PTPRD: variants seen among roughly 807,000 people sequenced by gnomAD.
The protein encoded by PTPRD is protein tyrosine phosphatase receptor type D.
A neutral mutation model predicts 214.5 loss-of-function variants in PTPRD; 34 were observed. The ratio of observed to expected loss-of-function variants is 0.16; its 90% confidence interval spans 0.12 to 0.21. The LOEUF is 0.21. Among genes scored for constraint, PTPRD ranks in the 10% least tolerant of loss-of-function variants. The probability of loss-of-function intolerance (pLI) is 1.00; values close to 1 mark genes in which losing one functional copy is unlikely to be tolerated. For synonymous variants in PTPRD, 1,128 were observed against 845.7 expected, an observed-to-expected ratio of 1.33 and a Z score of -5.79; for missense variants, 2,545 against 2,398.7, an observed-to-expected ratio of 1.06 and a Z score of -1.27.
At chr9:9,194,203 G>C (rs2099936901) in intron 9 of PTPRD, among the ~76,000 whole-genome samples, 1 of 152,104 alleles carries the variant, frequency 6.6e-6, no homozygotes, top group Non-Finnish European at 1.5e-5. Context: ...AAAAGGCATA[G>C]AGCTGCCATC....
At chr9:8,391,529 G>A (rs374538592) in intron 36 of PTPRD, among the ~76,000 whole-genome samples, 3 of 152,210 alleles carry the variant, frequency 2.0e-5, no homozygotes, top group African/African-American at 4.8e-5. Flanking sequence ...ACACTGGGAC[G>A]TGCACACATC....
chr9:9,480,288 CTAAGT>C (rs1422204968), intron 8 of PTPRD, among the ~76,000 whole-genome samples: 1 of 152,270 alleles, frequency 6.6e-6, no homozygotes, highest in African/African-American at 2.4e-5. Context: ...ATTTTCTCTT[CTAAGT>C]TAAGTTCGGC....
intron 11 of PTPRD, among the ~76,000 whole-genome samples, chr9:8,944,068 T>C (rs150640700): frequency 2.0e-5 from 3 of 151,942 alleles, no homozygotes; most frequent in Non-Finnish European, 4.4e-5. Flanking sequence ...AAAAATCTAG[T>C]AATCTGATTC....
At chr9:9,761,247 G>T (rs1280081908) in intron 6 of PTPRD, among the ~76,000 whole-genome samples, 4 of 152,086 alleles carry the variant, frequency 2.6e-5, no homozygotes, top group African/African-American at 9.7e-5. Context: ...CAACAACTTG[G>T]GTGAATCTCC....
intron 3 of PTPRD, among the ~76,000 whole-genome samples, chr9:10,189,093 T>C (rs2099351034): frequency 6.6e-6 from 1 of 152,100 alleles, no homozygotes; most frequent in African/African-American, 2.4e-5. Context: ...ACATCTGATG[T>C]CCATTGTGAG....
chr9:10,273,353 G>A (rs1372073537), intron 3 of PTPRD, among the ~76,000 whole-genome samples: 2 of 151,996 alleles, frequency 1.3e-5, no homozygotes, highest in African/African-American at 4.8e-5. Context: ...ATATTGTGAA[G>A]AATATATTTT....
rs903283706 is a variant in PTPRD, at chr9:10,002,546, A to G, written c.-472+31172T>C. On this transcript the variant is annotated intron_variant, in intron 4 of 45. Transcript: ENST00000381196. ...GAAAACTAAAGTGTCTACAGCTACTATCAGACAAAATAGACTTAAACCTAC... is the reference window on the plus strand; with the variant it reads ...GAAAACTAAAGTGTCTACAGCTACTGTCAGACAAAATAGACTTAAACCTAC... 4.6e-5 allele frequency among the ~76,000 whole-genome samples: 7 copies of G among 151,430 alleles called. 1 individual carries two copies. The highest frequency in any genetic ancestry group is 1.7e-4 in the African/African-American group (7 of 41,538).
chr9:9,952,620 T>A (rs2154001475), intron 4 of PTPRD, among the ~76,000 whole-genome samples: 1 of 152,252 alleles, frequency 6.6e-6, no homozygotes, highest in East Asian at 1.9e-4. Flanking sequence ...ACCAGCGCTA[T>A]TAACTATATA....
In PTPRD at chr9:9,307,510, T is replaced by C. The variant is rs757324738; in HGVS notation, c.-203+89939A>G. Among the ~76,000 whole-genome samples the C allele has an allele frequency of 2.8e-4, 42 of 152,160 alleles. 1 individual carries two copies. Among genetic ancestry groups the C allele is most frequent in the Non-Finnish European group, 8.8e-5 (6 of 68,032 alleles). On this transcript the variant is annotated intron_variant, in intron 9 of 45. Transcript: ENST00000381196. ...GAAAGTCTTCTTTAGCTATCTCTCATCCCTAACATCCAATCAGTGGCTGTG... is the reference window on the plus strand; with the variant it reads ...GAAAGTCTTCTTTAGCTATCTCTCACCCCTAACATCCAATCAGTGGCTGTG...
At chr9:8,914,858 T>A (rs920847794) in intron 11 of PTPRD, among the ~76,000 whole-genome samples, 24 of 152,162 alleles carry the variant, frequency 1.6e-4, no homozygotes, top group Non-Finnish European at 2.9e-5. Flanking sequence ...TTTATTATTG[T>A]TTTTAGATCC....
At chr9:8,805,009 G>A (rs567134636) in intron 11 of PTPRD, among the ~76,000 whole-genome samples, 51 of 152,292 alleles carry the variant, frequency 3.3e-4, no homozygotes, top group South Asian at 6.2e-4. Flanking sequence ...GGGAGGCTCA[G>A]AAGGGATTAC....
At chr9:10,025,494 C>T (rs1173090983) in intron 4 of PTPRD, among the ~76,000 whole-genome samples, 1 of 152,012 alleles carries the variant, frequency 6.6e-6, no homozygotes, top group South Asian at 2.1e-4. Flanking sequence ...CATTAGACAG[C>T]CAGATTTAAG....
intron 8 of PTPRD, among the ~76,000 whole-genome samples, chr9:9,512,479 A>T (rs1416096466): frequency 6.6e-6 from 1 of 151,908 alleles, no homozygotes; most frequent in African/African-American, 2.4e-5. Context: ...TAATAAGCTG[A>T]CACTATTTGT....
intron 15 of PTPRD, chr9:8,528,018 T>A (rs1037776301): frequency 6.2e-6 from 1 of 161,814 alleles, no homozygotes; most frequent in African/African-American, 2.4e-5. Flanking sequence ...TGGTTACTCA[T>A]GAGATAACGT....
intron 2 of PTPRD, among the ~76,000 whole-genome samples, chr9:10,516,121 C>T (rs370843773): frequency 2.6e-5 from 4 of 151,822 alleles, no homozygotes; most frequent in African/African-American, 4.8e-5. Context: ...CATATGGTAG[C>T]TCTATTTTTT....
At chr9:8,583,922 C>A (rs753116564) in intron 14 of PTPRD, among the ~76,000 whole-genome samples, 3 of 152,116 alleles carry the variant, frequency 2.0e-5, no homozygotes, top group Non-Finnish European at 2.9e-5. Flanking sequence ...GAAGCCAAGG[C>A]GGGCAGATCA....
At chr9:8,828,044 A>T (rs1263593394) in intron 11 of PTPRD, among the ~76,000 whole-genome samples, 2 of 152,220 alleles carry the variant, frequency 1.3e-5, no homozygotes, top group African/African-American at 4.8e-5. Flanking sequence ...ATATTATTTT[A>T]AAAAGGAAGT....
At chr9:9,862,481 T>G (rs1459446315) in intron 5 of PTPRD, among the ~76,000 whole-genome samples, 1 of 152,210 alleles carries the variant, frequency 6.6e-6, no homozygotes, top group East Asian at 1.9e-4. Flanking sequence ...TTCCTTGGGC[T>G]TAGGGAGAGG....
intron 7 of PTPRD, among the ~76,000 whole-genome samples, chr9:9,666,281 T>C (rs1305806479): frequency 6.6e-6 from 1 of 152,004 alleles, no homozygotes; most frequent in Non-Finnish European, 1.5e-5. Context: ...TTCAAAAGGA[T>C]GAGTAGGACT....
Sources: gnomAD v4.1 joint callset for allele counts (sites outside exome capture counted in the v4.1 genomes callset) on GRCh38, gnomAD v4.1.1 for gene constraint, MANE v1.5 for transcripts, NCBI Gene and HGNC (gene_info 2026-07-23, HGNC 2026-07-21) for gene names.